The following SERPINB13 variants were observed in gnomAD, a reference collection of about 807,000 sequenced individuals.
SERPINB13 encodes the protein serpin B13.
In SERPINB13, 26 loss-of-function variants were observed where a neutral mutation model predicts 31.2. The ratio of observed to expected loss-of-function variants is 0.83; its 90% confidence interval spans 0.61 to 1.15. SERPINB13 has a LOEUF of 1.15. Ranked by LOEUF, SERPINB13 falls within the 50% of genes most tolerant of loss-of-function variation. The pLI is 0.00. For synonymous variants in SERPINB13, 191 were observed against 172.4 expected (o/e 1.11, Z -0.85); for missense variants, 510 against 469.4 (o/e 1.09, Z -0.80).
In SERPINB13 at chr18:63,599,044, CTTTG is replaced by C. The variant is rs906264909; in HGVS notation, c.*1686_*1689del. On this transcript the variant is annotated 3_prime_UTR_variant, in exon 8 of 8. Coordinates refer to ENST00000344731, the MANE Select transcript of SERPINB13 (RefSeq NM_012397.4). ...ATGTGCTTATTGGCCATTTGTTTGA[CTTTG>C]TTTGGTGAAATGTATACAAATCATT... 14 of 151,936 alleles carry C rather than the reference CTTTG, an allele frequency of 9.2e-5. No homozygotes were observed. Among genetic ancestry groups the C allele is most frequent in the African/African-American group, 2.4e-4 (10 of 41,360 alleles). 9.4% of individuals were successfully genotyped at this position (151,936 alleles called of 1,614,324 possible).
Position 63,598,319 on chromosome 18 carries a change from C to A in SERPINB13, c.*956C>A, listed in dbSNP as rs1042509750. 1 of 152,092 alleles carries A rather than the reference C, an allele frequency of 6.6e-6. No homozygotes were observed. The highest frequency in any genetic ancestry group is 2.4e-5 in the African/African-American group (1 of 41,426). 9.4% of individuals were successfully genotyped at this position (152,092 alleles called of 1,614,324 possible). On this transcript the variant is annotated 3_prime_UTR_variant, in exon 8 of 8. Transcript: ENST00000344731. ...ATTTACATGCCGTAAAATGTACACA[C>A]TGTAATTTTATAATTCATTGACTTT...
In SERPINB13 at chr18:63,592,981, G is replaced by T; in HGVS notation, c.472+10G>T. 1 of 1,509,446 alleles carries T rather than the reference G, an allele frequency of 6.6e-7. No individual in the cohort carries two copies. The allele number at this position is 1,509,446 out of a possible 1,614,324, so 93.5% of individuals were successfully genotyped here. A position where few individuals can be genotyped will look rare whatever the true frequency, so the allele number is the denominator to read the frequency against. ...GAAAGCAAAACAAATGGTAGAGTAT[G>T]GGTGGGTCATTCATTGCAAAAAAAC... is the stretch of plus-strand genomic sequence containing the variant. On this transcript the variant is annotated intron_variant, in intron 5 of 7. Coordinates refer to ENST00000344731, the MANE Select transcript of SERPINB13 (RefSeq NM_012397.4).
At chr18:63,588,053 G>C (rs1911614472) in intron 1 of SERPINB13, among the ~76,000 whole-genome samples, 1 of 152,186 alleles carries the variant, frequency 6.6e-6, no homozygotes, top group Non-Finnish European at 1.5e-5. Flanking sequence ...ATTCAGCCCA[G>C]AGTCAAGTTT....
At position 63,597,442 on chromosome 18, in the gene SERPINB13, A is replaced by C. The variant is rs749192246; in HGVS notation, c.*79A>C. On this transcript the variant is annotated 3_prime_UTR_variant, in exon 8 of 8. Transcript: ENST00000344731. ...ACTCATATGATTATGAAAATCGTCCATTCTTTTAAATGTTGTCTCACTTGC... is the reference window on the plus strand; with the variant it reads ...ACTCATATGATTATGAAAATCGTCCCTTCTTTTAAATGTTGTCTCACTTGC... The C allele has an allele frequency of 3.5e-6, 5 of 1,420,972 alleles. No individual in the cohort carries two copies. Among genetic ancestry groups the C allele is most frequent in the Non-Finnish European group, 4.8e-6 (5 of 1,051,960 alleles). 88.0% of individuals were successfully genotyped at this position (1,420,972 alleles called of 1,614,324 possible).
intron 5 of SERPINB13, 27 bp downstream of exon 5, chr18:63,592,998 C>T: frequency 3.0e-6 from 4 of 1,342,602 alleles, no homozygotes; most frequent in Non-Finnish European, 4.2e-6. Context: ...TCATTCATTG[C>T]AAAAAAACAA....
intron 7 of SERPINB13, among the ~76,000 whole-genome samples, chr18:63,595,974 G>T (rs1301381050): frequency 6.6e-6 from 1 of 152,018 alleles, no homozygotes; most frequent in Non-Finnish European, 1.5e-5. Flanking sequence ...CCTGTATTTT[G>T]AAAATGAGGA....
At chr18:63,588,588 A>T in intron 1 of SERPINB13, 63 bp from the exon 2 acceptor site, 1 of 1,504,258 alleles carries the variant, frequency 6.6e-7, no homozygotes, top group Non-Finnish European at 9.2e-7. Context: ...AGAAGCAGAA[A>T]GGATTCCCCT....
chr18:63,593,511 T>C (rs1911979639), intron 5 of SERPINB13, among the ~76,000 whole-genome samples: 1 of 152,184 alleles, frequency 6.6e-6, no homozygotes, highest in Non-Finnish European at 1.5e-5. Flanking sequence ...AACGACAACC[T>C]ACAGCTCTCC....
Position 63,597,486 on chromosome 18 carries a change from C to A in SERPINB13, c.*123C>A, listed in dbSNP as rs889241027. 9.8e-7 allele frequency: 1 copy of A among 1,019,830 alleles called. No homozygotes were observed. Among genetic ancestry groups the A allele is most frequent in the Non-Finnish European group, 1.4e-6 (1 of 699,984 alleles). The allele number at this position is 1,019,830 out of a possible 1,614,324, so 63.2% of individuals were successfully genotyped here. On this transcript the variant is annotated 3_prime_UTR_variant, in exon 8 of 8. Coordinates refer to ENST00000344731, the MANE Select transcript of SERPINB13 (RefSeq NM_012397.4). ...CACTTGCATTTCCAGTCTTGGCCAT[C>A]AAATCAATGATTTAATGACTCCAAT...
chr18:63,587,886 T>C (rs1267165686), intron 1 of SERPINB13, among the ~76,000 whole-genome samples: 3 of 152,268 alleles, frequency 2.0e-5, no homozygotes, highest in Non-Finnish European at 2.9e-5. Context: ...TTTTGGCAAA[T>C]ATTAATTGCT....
In SERPINB13 at chr18:63,598,351, A is replaced by T. The variant is rs34693689; in HGVS notation, c.*988A>T. The T allele has an allele frequency of 1.3e-5, 2 of 152,082 alleles. No individual in the cohort carries two copies. Among genetic ancestry groups the T allele is most frequent in the Admixed American group, 6.6e-5 (1 of 15,264 alleles). The allele number at this position is 152,082 out of a possible 1,614,324, so 9.4% of individuals were successfully genotyped here. The stretch of plus-strand genomic sequence containing the variant: ...TTTATAATTCATTGACTTTTAGTAA[A>T]TTTCTAGCGTTATGCATCGCCACAA... On this transcript the variant is annotated 3_prime_UTR_variant, in exon 8 of 8. Coordinates refer to ENST00000344731, the MANE Select transcript of SERPINB13 (RefSeq NM_012397.4).
chr18:63,592,324 T>G (rs370748901), intron 3 of SERPINB13, 24 bp from the exon 4 acceptor site: 1 of 1,601,184 alleles, frequency 6.2e-7, no homozygotes, highest in African/African-American at 1.3e-5. Flanking sequence ...GATAACCTGT[T>G]GAGATTTTGT....
rs906206934 is a variant in SERPINB13 at position 63,598,678 on chromosome 18, G to T, written c.*1315G>T. On this transcript the variant is annotated 3_prime_UTR_variant, in exon 8 of 8. Coordinates refer to ENST00000344731, the MANE Select transcript of SERPINB13 (RefSeq NM_012397.4). ...TCACCAGTTGAGGGACATTTGGATT[G>T]TTCCCACTTCTTGGCTGTTAGGAAT... is the stretch of plus-strand genomic sequence containing the variant. The T allele has an allele frequency of 6.6e-6, 1 of 152,090 alleles. No homozygotes were observed. Among genetic ancestry groups the T allele is most frequent in the African/African-American group, 2.4e-5 (1 of 41,422 alleles). 9.4% of individuals were successfully genotyped at this position (152,090 alleles called of 1,614,324 possible).
chr18:63,593,258 C>A (rs550759381), intron 5 of SERPINB13, among the ~76,000 whole-genome samples: 1 of 152,086 alleles, frequency 6.6e-6, no homozygotes, highest in African/African-American at 2.4e-5. Context: ...GCCAAATGCA[C>A]GGAAACGCTT....
chr18:63,594,242 C>A, intron 5 of SERPINB13, 113 bp from the exon 6 acceptor site: 1 of 1,557,818 alleles, frequency 6.4e-7, no homozygotes, highest in Non-Finnish European at 8.7e-7. Context: ...CCCTCAGGTG[C>A]TGACCTGGCT....
intron 2 of SERPINB13, 75 bp from the exon 3 acceptor site, chr18:63,589,581 C>T (rs1265964388): frequency 1.3e-6 from 2 of 1,544,456 alleles, no homozygotes; most frequent in Non-Finnish European, 1.7e-6. Context: ...CAGAAGCGTC[C>T]ACTCTCCCCT....
At chr18:63,596,922 TA>T in intron 7 of SERPINB13, 36 bp from the exon 8 acceptor site, 1 of 1,507,032 alleles carries the variant, frequency 6.6e-7, no homozygotes, top group Non-Finnish European at 9.0e-7. Context: ...TTTTTATTGA[TA>T]ATCATGCCAT....
intron 2 of SERPINB13, among the ~76,000 whole-genome samples, chr18:63,589,268 G>A (rs191772015): frequency 3.3e-5 from 5 of 152,236 alleles, no homozygotes; most frequent in South Asian, 2.1e-4. Context: ...TGATCCACAC[G>A]CCTTGGCCTC....
At chr18:63,590,609 A>T (rs1304779528) in intron 3 of SERPINB13, among the ~76,000 whole-genome samples, 1 of 152,216 alleles carries the variant, frequency 6.6e-6, no homozygotes, top group Non-Finnish European at 1.5e-5. Context: ...TTCAGAGCAC[A>T]TTCTTTCTCA....
Sources: gnomAD v4.1 joint callset for allele counts (sites outside exome capture counted in the v4.1 genomes callset) on GRCh38, gnomAD v4.1.1 for gene constraint, MANE v1.5 for transcripts, NCBI Gene and HGNC (gene_info 2026-07-23, HGNC 2026-07-21) for gene names.